Variants in TEX11 observed in about 807,000 individuals in gnomAD.
The protein encoded by TEX11 is testis expressed 11.
TEX11 carries 7 observed loss-of-function variants against 84.4 expected under a neutral mutation model. That is an observed-to-expected ratio of 0.08 (90% CI 0.05 to 0.16). TEX11 has a LOEUF of 0.16. TEX11 is among the 10% of genes least tolerant of loss of function. The pLI, the probability that TEX11 is intolerant of heterozygous loss-of-function variation, is 1.00. For synonymous variants in TEX11, 264 were observed against 222.8 expected, an observed-to-expected ratio of 1.18 and a Z score of -1.64; for missense variants, 551 against 660.5, an observed-to-expected ratio of 0.83 and a Z score of 1.82.
Position 70,676,467 on chromosome X carries a change from T to C in TEX11, c.1242+2337A>G, listed in dbSNP as rs2090072562. ...ATTACTTCCAACAAGAAATCTGACG[T>C]TCTCTTTAATTTATTCCTCTGTATA... On this transcript the variant is annotated intron_variant, in intron 15 of 29. Coordinates refer to ENST00000374333, the MANE Select transcript of TEX11 (RefSeq NM_031276.3). Among the ~76,000 whole-genome samples the C allele has an allele frequency of 2.7e-5, 3 of 112,138 alleles. No homozygotes were observed. In the Admixed American group the frequency reaches 2.8e-4, roughly 11 times the overall value.
intron 25 of TEX11, among the ~76,000 whole-genome samples, chrX:70,561,885 T>C (rs1345827238): frequency 8.9e-6 from 1 of 112,466 alleles, no homozygotes; most frequent in African/African-American, 3.2e-5. Flanking sequence ...ATTATGTAAA[T>C]TAAGTACTTG....
Position 70,629,870 on chromosome X carries a change from G to A in TEX11, c.1484-135C>T, listed in dbSNP as rs2089489872. The A allele has an allele frequency of 7.7e-6, 4 of 518,918 alleles. No homozygotes were observed. In the South Asian group the frequency reaches 1.6e-4, roughly 21 times the overall value. The allele number at this position is 518,918 out of a possible 1,213,427, so 42.8% of individuals were successfully genotyped here. On this transcript the variant is annotated intron_variant, in intron 17 of 29. Transcript: ENST00000374333. ...AAAATGTTAGTATTCATAAAGTAAT[G>A]TGAGTTGCTAAGCTTTCAAGGAGGA...
chrX:70,544,755 C>T (rs1232443817), intron 28 of TEX11, among the ~76,000 whole-genome samples: 1 of 98,402 alleles, frequency 1.0e-5, no homozygotes, highest in Non-Finnish European at 2.0e-5. Context: ...AGGAGAATCA[C>T]TTGAGCCTGG....
chrX:70,797,731 G>T (rs1438100249), intron 9 of TEX11, among the ~76,000 whole-genome samples: 1 of 105,778 alleles, frequency 9.5e-6, no homozygotes, highest in Admixed American at 1.1e-4. Flanking sequence ...TACACCATTT[G>T]AACAGAATAA....
chrX:70,615,792 A>G (rs1194610864), intron 20 of TEX11, among the ~76,000 whole-genome samples: 1 of 112,484 alleles, frequency 8.9e-6, no homozygotes, highest in Non-Finnish European at 1.9e-5. Context: ...GCAACAGAAA[A>G]GAAACAACAT....
intron 9 of TEX11, among the ~76,000 whole-genome samples, chrX:70,756,974 C>A (rs2090871810): frequency 8.9e-6 from 1 of 112,158 alleles, no homozygotes; most frequent in South Asian, 3.7e-4. Context: ...ATTACACATG[C>A]ACAAGCTTTG....
At chrX:70,815,422 C>A (rs1171825582) in intron 8 of TEX11, among the ~76,000 whole-genome samples, 1 of 110,922 alleles carries the variant, frequency 9.0e-6, no homozygotes, top group African/African-American at 3.3e-5. Context: ...TTCCCCCCAT[C>A]CATGGTTTTC....
intron 17 of TEX11, among the ~76,000 whole-genome samples, chrX:70,635,431 C>T (rs781664344): frequency 8.9e-6 from 1 of 112,297 alleles, no homozygotes; most frequent in South Asian, 3.8e-4. Context: ...CTAGGACTGC[C>T]ACATCACCAG....
At chrX:70,850,695 C>T (rs2091503544) in intron 7 of TEX11, among the ~76,000 whole-genome samples, 1 of 110,561 alleles carries the variant, frequency 9.0e-6, no homozygotes, top group African/African-American at 3.3e-5. Flanking sequence ...GTTGAGGCTG[C>T]AGTGAGCTAT....
intron 28 of TEX11, among the ~76,000 whole-genome samples, chrX:70,541,177 C>A (rs1313926959): frequency 3.6e-5 from 4 of 111,362 alleles, no homozygotes; most frequent in African/African-American, 1.3e-4. Flanking sequence ...CAGAGCAAGA[C>A]CCTGTCTCAA....
At chrX:70,515,215 C>A in the TEX11 span, among the ~76,000 whole-genome samples, 4 of 111,744 alleles carry the variant, frequency 3.6e-5, no homozygotes, top group Non-Finnish European at 3.8e-5. Flanking sequence ...GTGCGCTGCA[C>A]CCATTAACTC....
At chrX:70,709,819 T>G (rs754955336) in intron 13 of TEX11, among the ~76,000 whole-genome samples, 6 of 111,368 alleles carry the variant, frequency 5.4e-5, no homozygotes, top group Non-Finnish European at 9.5e-5. Flanking sequence ...TTCTTTTTAC[T>G]TGATGAGCCT....
chrX:70,513,589 A>T, the TEX11 span, among the ~76,000 whole-genome samples: 4 of 106,670 alleles, frequency 3.7e-5, no homozygotes, highest in Non-Finnish European at 5.8e-5. Flanking sequence ...GCAGCCTCAA[A>T]CTCCTGGCCT....
rs367609584 is a variant in TEX11, at chrX:70,736,431, G to A, written c.843+4270C>T. On this transcript the variant is annotated intron_variant, in intron 11 of 29. Transcript: ENST00000374333. ...AAACAAAAACAAAGATTGTAGTGAG[G>A]CAACAAAACTTGGAGAAGTGAACCA... Among the ~76,000 whole-genome samples, 51 of 110,234 alleles carry A rather than the reference G, an allele frequency of 4.6e-4. 1 individual carries two copies. The East Asian group carries it at 6.3e-3, about 14-fold the overall frequency.
rs759316374 is a variant in TEX11, at chrX:70,840,842, A to G, written c.526-7249T>C. On this transcript the variant is annotated intron_variant, in intron 7 of 29. Transcript: ENST00000374333. ...AGGGGTTGCAATCCTAGTCTCTGCT[A>G]AAACAGACTTTAAACCAACAAAGAT... Among the ~76,000 whole-genome samples the G allele has an allele frequency of 3.6e-4, 40 of 111,612 alleles. No homozygotes were observed. In the East Asian group the frequency reaches 7.8e-3, roughly 22 times the overall value.
At chrX:70,805,647 C>T (rs946133676) in intron 9 of TEX11, among the ~76,000 whole-genome samples, 209 of 112,004 alleles carry the variant, frequency 1.9e-3, no homozygotes, top group Non-Finnish European at 2.8e-3. Context: ...GTGATCTGCC[C>T]ACCTTGGCCT....
chrX:70,858,634 G>A (rs1015401824), intron 5 of TEX11, among the ~76,000 whole-genome samples: 10 of 111,058 alleles, frequency 9.0e-5, no homozygotes, highest in South Asian at 3.8e-4. Flanking sequence ...CATCCTCTAT[G>A]TTTAAAAAAA....
At chrX:70,643,881 A>G (rs2089700652) in intron 17 of TEX11, among the ~76,000 whole-genome samples, 1 of 109,320 alleles carries the variant, frequency 9.1e-6, no homozygotes. Flanking sequence ...CATGTCTAAA[A>G]CACCAAAAGC....
chrX:70,841,952 A>T (rs1459856297), intron 7 of TEX11, among the ~76,000 whole-genome samples: 1 of 112,032 alleles, frequency 8.9e-6, no homozygotes, highest in African/African-American at 3.2e-5. Context: ...ATCTCTGAAT[A>T]GACCAATAAC....
Sources: allele counts gnomAD v4.1 joint callset (sites outside exome capture counted in the v4.1 genomes callset), GRCh38; gene constraint gnomAD v4.1.1; transcripts MANE v1.5; gene names NCBI Gene and HGNC (gene_info 2026-07-23, HGNC 2026-07-21).